Variants in DYM observed in about 807,000 individuals in gnomAD.
DYM encodes dymeclin.
Under a neutral mutation model 93.1 loss-of-function variants are expected in DYM, and 78 were observed. The ratio of observed to expected loss-of-function variants is 0.84; its 90% CI spans 0.70 to 1.01. The LOEUF is 1.01. Ranked by LOEUF, DYM falls within the 50% of genes least tolerant of loss-of-function variation. DYM has a pLI of 0.00. For synonymous variants in DYM, 321 were observed against 319.7 expected (o/e 1.00, Z -0.04); for missense variants, 789 against 845.0 (o/e 0.93, Z 0.82).
At chr18:49,082,937 C>T (rs777432525) in intron 17 of DYM, among the ~76,000 whole-genome samples, 1 of 152,112 alleles carries the variant, frequency 6.6e-6, no homozygotes, top group Non-Finnish European at 1.5e-5. Context: ...TTCCAAGTGC[C>T]CATTGTCAGG....
intron 17 of DYM, among the ~76,000 whole-genome samples, chr18:49,063,620 T>G (rs2076165711): frequency 1.6e-4 from 2 of 12,834 alleles, no homozygotes; most frequent in South Asian, 5.8e-3. Context: ...TTTCTCTCTC[T>G]TTTTTTTTTT....
intron 17 of DYM, among the ~76,000 whole-genome samples, chr18:49,091,373 C>T (rs1011081481): frequency 3.3e-5 from 5 of 152,080 alleles, no homozygotes; most frequent in Non-Finnish European, 7.4e-5. Flanking sequence ...GAAATGTTAC[C>T]TGGAAGGTCG....
At chr18:49,323,171 G>C (rs1411389414) in intron 8 of DYM, among the ~76,000 whole-genome samples, 3 of 151,962 alleles carry the variant, frequency 2.0e-5, no homozygotes, top group Non-Finnish European at 1.5e-5. Flanking sequence ...GTTTTGTTTT[G>C]TTTTTTGTTT....
At chr18:49,153,750 G>C (rs1176587951) in intron 15 of DYM, among the ~76,000 whole-genome samples, 1 of 152,052 alleles carries the variant, frequency 6.6e-6, no homozygotes, top group African/African-American at 2.4e-5. Flanking sequence ...TATTAATAAT[G>C]GCAGAAGGAA....
chr18:49,452,655 C>T (rs1296237578), intron 1 of DYM, among the ~76,000 whole-genome samples: 1 of 77,622 alleles, frequency 1.3e-5, no homozygotes, highest in Non-Finnish European at 2.7e-5. Context: ...GCCGTGGGCT[C>T]CTGCGTGGCC....
rs548936721 is a variant in DYM, at chr18:49,361,252, T to C, written c.494+1909A>G. Among the ~76,000 whole-genome samples the C allele has an allele frequency of 2.0e-5, 3 of 152,308 alleles. No individual in the cohort carries two copies. In the South Asian group the frequency reaches 6.2e-4, roughly 32 times the overall value. On this transcript the variant is annotated intron_variant, in intron 6 of 17. Transcript: ENST00000675505. ...CTCTTCAGCTGCCTCAGCCCTACTT[T>C]CCTGGGTGCATACCACCAGGCCATA...
chr18:49,298,590 A>AG (rs2060706020), intron 8 of DYM, among the ~76,000 whole-genome samples: 1 of 151,878 alleles, frequency 6.6e-6, no homozygotes. Flanking sequence ...TCAAAAAAAA[A>AG]AAAAAAATTC....
At chr18:49,290,385 G>A (rs2060034989) in intron 8 of DYM, among the ~76,000 whole-genome samples, 1 of 151,534 alleles carries the variant, frequency 6.6e-6, no homozygotes, top group Non-Finnish European at 1.5e-5. Flanking sequence ...AAACAAGAAG[G>A]ACAAAGTATA....
At chr18:49,144,751 T>C (rs1309828540) in intron 15 of DYM, among the ~76,000 whole-genome samples, 1 of 152,078 alleles carries the variant, frequency 6.6e-6, no homozygotes, top group Non-Finnish European at 1.5e-5. Context: ...AAAGGGTTCT[T>C]AGTTAATCTC....
intron 8 of DYM, among the ~76,000 whole-genome samples, chr18:49,331,192 C>CA (rs1186641196): frequency 6.6e-6 from 1 of 152,182 alleles, no homozygotes; most frequent in Non-Finnish European, 1.5e-5. Flanking sequence ...TCACAAGTAC[C>CA]AAAGTGTCGC....
chr18:49,434,126 G>A (rs556582309), intron 1 of DYM, among the ~76,000 whole-genome samples: 64 of 152,044 alleles, frequency 4.2e-4, no homozygotes, highest in African/African-American at 1.4e-3. Context: ...CGGGCAGACC[G>A]TGAGGTCAGG....
chr18:49,076,579 G>A (rs1424732400), intron 17 of DYM, among the ~76,000 whole-genome samples: 2 of 152,184 alleles, frequency 1.3e-5, no homozygotes, highest in Admixed American at 1.3e-4. Context: ...CTGGGAAGAG[G>A]TGAATTGTAC....
At chr18:49,073,538 A>G (rs2077060618) in intron 17 of DYM, among the ~76,000 whole-genome samples, 1 of 152,196 alleles carries the variant, frequency 6.6e-6, no homozygotes, top group Non-Finnish European at 1.5e-5. Context: ...AATTAGAAAA[A>G]ATTAGAAAAC....
intron 8 of DYM, among the ~76,000 whole-genome samples, chr18:49,305,809 T>C (rs1362618348): frequency 6.6e-6 from 1 of 152,134 alleles, no homozygotes; most frequent in Non-Finnish European, 1.5e-5. Flanking sequence ...TGACTTCCTT[T>C]CTCCCTTAAA....
In DYM at chr18:49,110,599, G is replaced by A. The variant is rs139612013; in HGVS notation, c.1911+8145C>T. On this transcript the variant is annotated intron_variant, in intron 16 of 17. Coordinates refer to ENST00000675505, the MANE Select transcript of DYM (RefSeq NM_001353214.3). ...CTATCTTTGTTCCTCTGTATATAATGTTTCTTTTTTCTCTGGCTGAATTCA... is the reference window on the plus strand; with the variant it reads ...CTATCTTTGTTCCTCTGTATATAATATTTCTTTTTTCTCTGGCTGAATTCA... 3.3e-5 allele frequency among the ~76,000 whole-genome samples: 5 copies of A among 151,690 alleles called. No homozygotes were observed. In the East Asian group the frequency reaches 9.7e-4, roughly 29 times the overall value.
chr18:49,443,179 A>C (rs572140327), intron 1 of DYM, among the ~76,000 whole-genome samples: 2 of 152,318 alleles, frequency 1.3e-5, no homozygotes, highest in Admixed American at 1.3e-4. Flanking sequence ...GTTGAAAAAA[A>C]TCAAAAGAAT....
intron 1 of DYM, among the ~76,000 whole-genome samples, chr18:49,459,800 C>G (rs976484984): frequency 6.6e-6 from 1 of 152,118 alleles, no homozygotes; most frequent in African/African-American, 2.4e-5. Context: ...AACACCCACC[C>G]TTTCACTTTT....
chr18:49,037,339 TTTC>T lies in DYM; in HGVS notation c.*6713_*6715del, dbSNP rs1380498227. ...GTAATTGCTTAATTGATTTTTAACC[TTTC>T]TTCTTTTCTAACATAAACATTTAAA... On this transcript the variant is annotated 3_prime_UTR_variant, in exon 18 of 18. Coordinates refer to ENST00000675505, the MANE Select transcript of DYM (RefSeq NM_001353214.3). Among the ~76,000 whole-genome samples, 2 of 152,178 alleles carry T rather than the reference TTTC, an allele frequency of 1.3e-5. No individual in the cohort carries two copies. The highest frequency in any genetic ancestry group is 2.9e-5 in the Non-Finnish European group (2 of 68,028).
At chr18:49,111,664 C>A (rs144044074) in intron 16 of DYM, among the ~76,000 whole-genome samples, 2 of 152,154 alleles carry the variant, frequency 1.3e-5, no homozygotes, top group Non-Finnish European at 2.9e-5. Context: ...GGTTTTTCAA[C>A]GTTCATGCTC....
Sources: gnomAD v4.1 joint callset for allele counts (sites outside exome capture counted in the v4.1 genomes callset) on GRCh38, gnomAD v4.1.1 for gene constraint, MANE v1.5 for transcripts, NCBI Gene and HGNC (gene_info 2026-07-23, HGNC 2026-07-21) for gene names.